Variants in EYS observed in about 807,000 individuals in gnomAD.
The protein encoded by EYS is protein eyes shut homolog.
EYS carries 250 observed loss-of-function variants against 282.1 expected under a neutral mutation model. The observed-to-expected ratio is 0.89, with a 90% CI of 0.80 to 0.98. The LOEUF is 0.98. EYS is among the 50% of genes least tolerant of loss of function. The pLI is 0.00. For synonymous variants in EYS, 1,355 were observed against 1,282.9 expected, an observed-to-expected ratio of 1.06 and a Z score of -1.20; for missense variants, 4,016 against 3,709.0, an observed-to-expected ratio of 1.08 and a Z score of -2.15.
intron 12 of EYS, among the ~76,000 whole-genome samples, chr6:65,062,000 T>C (rs531500970): frequency 3.3e-5 from 5 of 152,062 alleles, no homozygotes; most frequent in Non-Finnish European, 5.9e-5. Flanking sequence ...GGATGTCACC[T>C]TTATTTTTGT....
chr6:64,775,345 C>G (rs529532918), intron 22 of EYS, among the ~76,000 whole-genome samples: 56 of 152,044 alleles, frequency 3.7e-4, no homozygotes, highest in African/African-American at 1.1e-3. Flanking sequence ...TTTTGACATG[C>G]TTTTACCTCA....
chr6:64,761,363 C>T (rs914954838), intron 22 of EYS, among the ~76,000 whole-genome samples: 1 of 152,168 alleles, frequency 6.6e-6, no homozygotes, highest in Non-Finnish European at 1.5e-5. Context: ...CATCTGTAAA[C>T]AATGGATAAG....
intron 2 of EYS, among the ~76,000 whole-genome samples, chr6:65,552,771 G>A (rs1010941126): frequency 6.6e-6 from 1 of 151,898 alleles, no homozygotes; most frequent in African/African-American, 2.4e-5. Context: ...CTCTCAAACT[G>A]TGATGATACT....
At chr6:63,887,034 G>C (rs865820233) in intron 35 of EYS, among the ~76,000 whole-genome samples, 28 of 152,118 alleles carry the variant, frequency 1.8e-4, no homozygotes, top group African/African-American at 6.5e-4. Flanking sequence ...GGTAGGTCAG[G>C]ATACTGTCTG....
At chr6:64,961,302 G>C (rs1484231673) in intron 14 of EYS, among the ~76,000 whole-genome samples, 5 of 152,164 alleles carry the variant, frequency 3.3e-5, no homozygotes, top group African/African-American at 1.2e-4. Flanking sequence ...GTTTCCCAAA[G>C]GAACATTTTG....
intron 31 of EYS, among the ~76,000 whole-genome samples, chr6:64,226,179 A>G (rs1562261647): frequency 1.3e-5 from 2 of 152,076 alleles, no homozygotes; most frequent in African/African-American, 4.8e-5. Context: ...ATAAATTCGG[A>G]CTACTCTTGT....
intron 33 of EYS, among the ~76,000 whole-genome samples, chr6:64,027,788 C>T (rs1769605617): frequency 6.6e-6 from 1 of 152,188 alleles, no homozygotes; most frequent in Admixed American, 6.5e-5. Context: ...CAGAAGCCCC[C>T]AAACAGATGA....
intron 30 of EYS, among the ~76,000 whole-genome samples, chr6:64,252,026 T>A (rs1255645862): frequency 6.6e-6 from 1 of 152,148 alleles, no homozygotes; most frequent in Non-Finnish European, 1.5e-5. Context: ...GAAAATGTAA[T>A]ACATTTTAGA....
chr6:65,364,214 C>G (rs1261647835), intron 8 of EYS, among the ~76,000 whole-genome samples: 1 of 148,844 alleles, frequency 6.7e-6, no homozygotes, highest in African/African-American at 2.4e-5. Flanking sequence ...TGATTTTTCT[C>G]AGGCTTTGAC....
intron 36 of EYS, among the ~76,000 whole-genome samples, chr6:63,816,738 A>G (rs1227235524): frequency 6.6e-6 from 1 of 152,226 alleles, no homozygotes; most frequent in Admixed American, 6.5e-5. Context: ...AGGCATGTAC[A>G]TGTACGCAAA....
intron 41 of EYS, among the ~76,000 whole-genome samples, chr6:63,748,016 G>A (rs928372342): frequency 7.9e-5 from 12 of 152,136 alleles, no homozygotes; most frequent in Non-Finnish European, 1.5e-4. Flanking sequence ...TATTTTGCCC[G>A]TTAGTTGATG....
intron 37 of EYS, among the ~76,000 whole-genome samples, chr6:63,794,576 CATA>C (rs987170584): frequency 1.1e-4 from 17 of 152,262 alleles, no homozygotes; most frequent in African/African-American, 4.1e-4. Flanking sequence ...CTTAACAGCC[CATA>C]ATAACATAAG....
chr6:64,307,351 C>T (rs1330263142), intron 29 of EYS, among the ~76,000 whole-genome samples: 1 of 151,992 alleles, frequency 6.6e-6, no homozygotes, highest in Non-Finnish European at 1.5e-5. Flanking sequence ...CATACAAACA[C>T]AATGCTATTC....
At chr6:64,838,635 C>G (rs1466877681) in intron 19 of EYS, among the ~76,000 whole-genome samples, 1 of 151,722 alleles carries the variant, frequency 6.6e-6, no homozygotes, top group Non-Finnish European at 1.5e-5. Flanking sequence ...CACACACACA[C>G]ACACACACGC....
intron 22 of EYS, among the ~76,000 whole-genome samples, chr6:64,657,255 C>A (rs10944665): frequency 0.56 from 85,646 of 151,692 alleles, 24,571 homozygotes; most frequent in South Asian, 0.66. Context: ...TGTCTCTGCA[C>A]ATGAGATGGG....
chr6:65,486,805 G>T (rs1765799688), intron 5 of EYS, among the ~76,000 whole-genome samples: 1 of 152,086 alleles, frequency 6.6e-6, no homozygotes, highest in African/African-American at 2.4e-5. Context: ...TGAATATCTT[G>T]GAAAATGTTA....
At position 65,058,548 on chromosome 6, in the gene EYS, GATATA is replaced by G. The variant is rs2150158085; in HGVS notation, c.2024-826_2024-822del. On this transcript the variant is annotated intron_variant, in intron 12 of 42. Transcript: ENST00000503581. ...TTTCAATCTACTCATGATCTTTGTA[GATATA>G]ATATTATGGTGCCAGGGTGATGAAT... Among the ~76,000 whole-genome samples, 3 of 147,712 alleles carry G rather than the reference GATATA, an allele frequency of 2.0e-5. No individual in the cohort carries two copies. In the South Asian group the frequency reaches 6.5e-4, roughly 32 times the overall value.
At chr6:64,001,047 C>T (rs1021586953) in intron 33 of EYS, among the ~76,000 whole-genome samples, 9 of 152,260 alleles carry the variant, frequency 5.9e-5, no homozygotes, top group Non-Finnish European at 1.3e-4. Context: ...TCCCTTATGC[C>T]TCTCAAGTAT....
intron 12 of EYS, among the ~76,000 whole-genome samples, chr6:65,293,922 T>C (rs2150284921): frequency 6.6e-6 from 1 of 151,956 alleles, no homozygotes; most frequent in Middle Eastern, 3.4e-3. Flanking sequence ...CATGGTTACG[T>C]TGTTTTTAAA....
Sources: allele counts gnomAD v4.1 joint callset (sites outside exome capture counted in the v4.1 genomes callset), GRCh38; gene constraint gnomAD v4.1.1; transcripts MANE v1.5; gene names NCBI Gene and HGNC (gene_info 2026-07-23, HGNC 2026-07-21).